Variants in MACROD2 observed in about 807,000 individuals in gnomAD.
MACROD2 encodes mono-ADP ribosylhydrolase 2, also known as ADP-ribose glycohydrolase MACROD2.
Under a neutral mutation model 70.4 loss-of-function variants are expected in MACROD2, and 36 were observed. That is an observed-to-expected ratio of 0.51 (90% CI 0.39 to 0.68). The LOEUF is 0.68. MACROD2 is among the 30% of genes least tolerant of loss of function. The probability of loss-of-function intolerance (pLI) is 0.00; values close to 1 mark genes in which losing one functional copy is unlikely to be tolerated. For missense variants in MACROD2, 496 were observed against 538.4 expected, an observed-to-expected ratio of 0.92 and a Z score of 0.78; for synonymous variants, 172 against 178.8, an observed-to-expected ratio of 0.96 and a Z score of 0.30.
chr20:15,596,882 T>G (rs1049253871), intron 8 of MACROD2, among the ~76,000 whole-genome samples: 3 of 152,212 alleles, frequency 2.0e-5, no homozygotes, highest in Non-Finnish European at 4.4e-5. Flanking sequence ...AATATGCATA[T>G]TCTCTCAATG....
intron 8 of MACROD2, among the ~76,000 whole-genome samples, chr20:15,560,111 T>C (rs2048222008): frequency 6.6e-6 from 1 of 152,218 alleles, no homozygotes; most frequent in South Asian, 2.1e-4. Flanking sequence ...TGGTGGTCTC[T>C]TCTAGTTTAA....
chr20:15,037,653 CCTTTA>C (rs1442596299), intron 5 of MACROD2, among the ~76,000 whole-genome samples: 1 of 151,644 alleles, frequency 6.6e-6, no homozygotes, highest in Non-Finnish European at 1.5e-5. Context: ...CTACCTCATG[CCTTTA>C]CTTTTAACTA....
intron 3 of MACROD2, among the ~76,000 whole-genome samples, chr20:14,361,214 C>G (rs756679756): frequency 6.6e-6 from 1 of 152,130 alleles, no homozygotes; most frequent in Non-Finnish European, 1.5e-5. Context: ...ATCACTGCCT[C>G]CAGGAGGTAG....
intron 8 of MACROD2, among the ~76,000 whole-genome samples, chr20:15,587,668 A>C (rs1383742645): frequency 6.6e-6 from 1 of 152,202 alleles, no homozygotes; most frequent in Non-Finnish European, 1.5e-5. Flanking sequence ...AAGGGGATAC[A>C]GGGCCCATGC....
rs564857679 is a variant in MACROD2, at chr20:14,564,374, G to A, written c.301+70866G>A. ...GACTTAATTAAATGCAAAAGCTTCT[G>A]CACAGCTAAAGAAATAATTAACAGA... is the stretch of plus-strand genomic sequence containing the variant. On this transcript the variant is annotated intron_variant, in intron 4 of 17. Coordinates refer to ENST00000684519, the MANE Select transcript of MACROD2 (RefSeq NM_001351661.2). Among the ~76,000 whole-genome samples the A allele has an allele frequency of 4.6e-5, 7 of 151,998 alleles. No individual in the cohort carries two copies. In the East Asian group the frequency reaches 1.4e-3, roughly 29 times the overall value.
chr20:15,781,198 T>G (rs2051825232), intron 8 of MACROD2, among the ~76,000 whole-genome samples: 1 of 152,168 alleles, frequency 6.6e-6, no homozygotes, highest in African/African-American at 2.4e-5. Flanking sequence ...ATACATAATA[T>G]GCCTAAGGTC....
Position 15,729,831 on chromosome 20 carries a change from C to CTTTTTTTTTTTTTTTTT in MACROD2, c.646-132899_646-132898insTTTTTTTTTTTTTTTTT. ...GAACACAGCATGCAGTTGGGTCATG[C>CTTTTTTTTTTTTTTTTT]TTTTTTTTTTTTTTTGGATGGAGTT... On this transcript the variant is annotated intron_variant, in intron 8 of 17. Coordinates refer to ENST00000684519, the MANE Select transcript of MACROD2 (RefSeq NM_001351661.2). 7.4e-3 allele frequency among the ~76,000 whole-genome samples: 480 copies of CTTTTTTTTTTTTTTTTT among 64,720 alleles called. 154 individuals carry two copies. The highest frequency in any genetic ancestry group is 9.2e-3 in the Non-Finnish European group (330 of 35,846). The allele number at this position is 64,720 out of a possible 152,430, so 42.5% of individuals were successfully genotyped here. A position where few individuals can be genotyped will look rare whatever the true frequency, so the allele number is the denominator to read the frequency against.
Position 14,820,948 on chromosome 20 carries a change from G to A in MACROD2, c.418+135989G>A, listed in dbSNP as rs553222888. ...CGTTGCGTGGAAAGCCTCCGGAACC[G>A]TAAACTCTCATTTCCCAATCATGAA... is the stretch of plus-strand genomic sequence containing the variant. On this transcript the variant is annotated intron_variant, in intron 5 of 17. Coordinates refer to ENST00000684519, the MANE Select transcript of MACROD2 (RefSeq NM_001351661.2). Among the ~76,000 whole-genome samples, 9 of 152,086 alleles carry A rather than the reference G, an allele frequency of 5.9e-5. No individual in the cohort carries two copies. In the East Asian group the frequency reaches 1.5e-3, roughly 26 times the overall value.
At chr20:14,643,763 G>A (rs371137783) in intron 4 of MACROD2, among the ~76,000 whole-genome samples, 7 of 152,154 alleles carry the variant, frequency 4.6e-5, no homozygotes, top group Non-Finnish European at 1.0e-4. Flanking sequence ...CAAGGCACCT[G>A]TGGTGACTGT....
At chr20:15,390,554 C>A (rs1265344224) in intron 6 of MACROD2, among the ~76,000 whole-genome samples, 1 of 152,046 alleles carries the variant, frequency 6.6e-6, no homozygotes, top group Non-Finnish European at 1.5e-5. Flanking sequence ...AACATAGATG[C>A]AGAATGGAAG....
intron 12 of MACROD2, among the ~76,000 whole-genome samples, chr20:15,955,726 A>G (rs1280131506): frequency 6.6e-6 from 1 of 152,256 alleles, no homozygotes; most frequent in Non-Finnish European, 1.5e-5. Context: ...ACACTAAGAA[A>G]AAAAAGGAAA....
At chr20:14,140,215 G>A (rs1271927009) in intron 3 of MACROD2, among the ~76,000 whole-genome samples, 1 of 152,134 alleles carries the variant, frequency 6.6e-6, no homozygotes, top group African/African-American at 2.4e-5. Flanking sequence ...CATTTACTAG[G>A]ATTTTGACCA....
chr20:14,920,647 C>G (rs1206289339), intron 5 of MACROD2, among the ~76,000 whole-genome samples: 1 of 151,946 alleles, frequency 6.6e-6, no homozygotes, highest in Non-Finnish European at 1.5e-5. Flanking sequence ...GAAGAGTTAC[C>G]TTCTAGTATA....
chr20:14,308,663 G>A (rs985926426), intron 3 of MACROD2, among the ~76,000 whole-genome samples: 3 of 152,090 alleles, frequency 2.0e-5, no homozygotes, highest in Admixed American at 6.6e-5. Flanking sequence ...GGAAGTGGCC[G>A]TGTTTGTGTA....
intron 5 of MACROD2, among the ~76,000 whole-genome samples, chr20:14,759,100 T>C (rs1185732193): frequency 6.6e-6 from 1 of 152,128 alleles, no homozygotes; most frequent in Non-Finnish European, 1.5e-5. Context: ...GATTATTAAT[T>C]CATTAATTAC....
chr20:15,040,212 G>A (rs535846676), intron 5 of MACROD2, among the ~76,000 whole-genome samples: 2 of 152,192 alleles, frequency 1.3e-5, no homozygotes, highest in Admixed American at 6.5e-5. Context: ...CTACTAGGGA[G>A]GCTGAGGCAG....
chr20:14,518,368 G>T lies in MACROD2; in HGVS notation c.301+24860G>T, dbSNP rs118018076. Among the ~76,000 whole-genome samples, 1,126 of 152,132 alleles carry T rather than the reference G, an allele frequency of 7.4e-3. 8 individuals carry two copies. The highest frequency in any genetic ancestry group is 0.021 in the Middle Eastern group (6 of 292). ...TCTTCACAATATTTTTACAAATTAT[G>T]TCATTTTTAGAGTCATTTCATTAGA... On this transcript the variant is annotated intron_variant, in intron 4 of 17. Transcript: ENST00000684519.
At chr20:15,827,403 C>T (rs976650306) in intron 8 of MACROD2, among the ~76,000 whole-genome samples, 1 of 152,044 alleles carries the variant, frequency 6.6e-6, no homozygotes, top group African/African-American at 2.4e-5. Context: ...ACAAAATATT[C>T]TGTACAAGTC....
chr20:15,337,702 CAAA>C (rs200063463), intron 6 of MACROD2, among the ~76,000 whole-genome samples: 1 of 147,332 alleles, frequency 6.8e-6, no homozygotes, highest in Non-Finnish European at 1.5e-5. Context: ...TACAATAGGT[CAAA>C]AAAAAAGAGA....
Sources: allele counts gnomAD v4.1 joint callset (sites outside exome capture counted in the v4.1 genomes callset), GRCh38; gene constraint gnomAD v4.1.1; transcripts MANE v1.5; gene names NCBI Gene and HGNC (gene_info 2026-07-23, HGNC 2026-07-21).